The following CA10 variants were observed in gnomAD, a reference collection of about 807,000 sequenced individuals.
CA10 encodes carbonic anhydrase-related protein 10.
CA10 carries 14 observed loss-of-function variants against 44.2 expected under a neutral mutation model. The observed-to-expected ratio is 0.32, with a 90% CI of 0.21 to 0.50. The LOEUF (loss-of-function observed/expected upper bound fraction) is 0.50, where lower values mean the gene tolerates loss of function less well. CA10 is among the 20% of genes least tolerant of loss of function. The pLI, the probability that CA10 is intolerant of heterozygous loss-of-function variation, is 0.99. For synonymous variants in CA10, 159 were observed against 141.6 expected (o/e 1.12, Z -0.87); for missense variants, 350 against 409.7 (o/e 0.85, Z 1.26).
At chr17:52,118,281 T>C (rs1988940773) in intron 1 of CA10, among the ~76,000 whole-genome samples, 1 of 152,192 alleles carries the variant, frequency 6.6e-6, no homozygotes, top group African/African-American at 2.4e-5. Context: ...ATTTGCCTTG[T>C]GGATAGACTG....
At chr17:51,702,890 T>C (rs9906298) in intron 4 of CA10, among the ~76,000 whole-genome samples, 13,212 of 152,222 alleles carry the variant, frequency 0.087, 1,916 homozygotes, top group African/African-American at 0.3. Flanking sequence ...AGCAGCCAGG[T>C]TCTTTCTATC....
intron 3 of CA10, among the ~76,000 whole-genome samples, chr17:51,886,351 A>G (rs1980599979): frequency 6.6e-6 from 1 of 152,214 alleles, no homozygotes; most frequent in Admixed American, 6.5e-5. Flanking sequence ...TCTTATCTTT[A>G]AAGAGTGTTC....
At chr17:52,032,669 C>T (rs1457582458) in intron 2 of CA10, among the ~76,000 whole-genome samples, 1 of 152,130 alleles carries the variant, frequency 6.6e-6, no homozygotes, top group Non-Finnish European at 1.5e-5. Flanking sequence ...TGACTGGAAA[C>T]CTTCCTTCTG....
chr17:52,091,658 G>T (rs1004076880), intron 1 of CA10, among the ~76,000 whole-genome samples: 14 of 152,196 alleles, frequency 9.2e-5, no homozygotes, highest in African/African-American at 2.9e-4. Flanking sequence ...CAAGCTCTAA[G>T]CTCAGGGAAC....
chr17:51,997,549 G>A (rs1352778010), intron 2 of CA10, among the ~76,000 whole-genome samples: 1 of 152,028 alleles, frequency 6.6e-6, no homozygotes, highest in African/African-American at 2.4e-5. Context: ...TGGATACCTT[G>A]AGACAAAGAA....
chr17:51,708,689 TG>T (rs1424701513), intron 4 of CA10, among the ~76,000 whole-genome samples: 2 of 152,108 alleles, frequency 1.3e-5, no homozygotes, highest in African/African-American at 2.4e-5. Context: ...TCAATATGAG[TG>T]GGCTCCATCT....
At chr17:52,039,612 A>G (rs1457095657) in intron 2 of CA10, among the ~76,000 whole-genome samples, 1 of 152,096 alleles carries the variant, frequency 6.6e-6, no homozygotes, top group Non-Finnish European at 1.5e-5. Flanking sequence ...TACACATTTG[A>G]AAAAAGCTAA....
intron 4 of CA10, among the ~76,000 whole-genome samples, chr17:51,738,186 G>A (rs1200374087): frequency 6.6e-6 from 1 of 152,122 alleles, no homozygotes; most frequent in Non-Finnish European, 1.5e-5. Context: ...GTCAACTGGC[G>A]AGCAATTAAG....
chr17:51,720,357 A>G (rs1033272751), intron 4 of CA10, among the ~76,000 whole-genome samples: 8 of 152,168 alleles, frequency 5.3e-5, no homozygotes, highest in African/African-American at 1.2e-4. Flanking sequence ...GAACACTTTT[A>G]ATCATATCTG....
intron 4 of CA10, among the ~76,000 whole-genome samples, chr17:51,710,858 T>G (rs1915917805): frequency 6.6e-6 from 1 of 151,502 alleles, no homozygotes; most frequent in Admixed American, 6.6e-5. Context: ...CTCCTGAAGT[T>G]CATGCAATCA....
chr17:51,699,730 T>A (rs1281579929), intron 4 of CA10, among the ~76,000 whole-genome samples: 6 of 152,188 alleles, frequency 3.9e-5, no homozygotes, highest in Non-Finnish European at 4.4e-5. Flanking sequence ...GCATTGCTGA[T>A]CTTGTTACAA....
In CA10 at chr17:51,947,831, C is replaced by T. The variant is rs536860787; in HGVS notation, c.137-16699G>A. ...ATCAAACACTTCTGCTTGCAAAGCC[C>T]TATAGAATAACATGGAGCAACATAT... is the stretch of plus-strand genomic sequence containing the variant. On this transcript the variant is annotated intron_variant, in intron 2 of 8. Coordinates refer to ENST00000451037, the MANE Select transcript of CA10 (RefSeq NM_020178.5). Among the ~76,000 whole-genome samples, 13 of 152,114 alleles carry T rather than the reference C, an allele frequency of 8.5e-5. No individual in the cohort carries two copies. The East Asian group carries it at 2.1e-3, about 25-fold the overall frequency.
At chr17:51,921,735 C>T (rs976362552) in intron 3 of CA10, among the ~76,000 whole-genome samples, 10 of 152,152 alleles carry the variant, frequency 6.6e-5, no homozygotes, top group Non-Finnish European at 1.2e-4. Context: ...TTGGCATTTC[C>T]CCTGTGCTAT....
chr17:51,661,587 C>G (rs187426729), intron 4 of CA10: 33 of 152,336 alleles, frequency 2.2e-4, no homozygotes, highest in Admixed American at 2.2e-3. Context: ...TAGTAAGCTA[C>G]TATTGTTGTT....
intron 2 of CA10, among the ~76,000 whole-genome samples, chr17:52,032,522 A>G (rs1303948537): frequency 6.6e-6 from 1 of 152,176 alleles, no homozygotes; most frequent in Non-Finnish European, 1.5e-5. Context: ...TACTGTCTTC[A>G]TGGTACCTTC....
At chr17:51,890,528 C>A (rs1215338782) in intron 3 of CA10, among the ~76,000 whole-genome samples, 2 of 152,104 alleles carry the variant, frequency 1.3e-5, no homozygotes, top group African/African-American at 4.8e-5. Context: ...GCCTTTTAAA[C>A]CTCGCTTGAA....
At chr17:52,142,140 T>C (rs1989493854) in intron 1 of CA10, among the ~76,000 whole-genome samples, 1 of 152,188 alleles carries the variant, frequency 6.6e-6, no homozygotes, top group Non-Finnish European at 1.5e-5. Context: ...CAGGTAAGTG[T>C]CTGCAAGGTG....
chr17:52,099,139 C>T (rs960647640), intron 1 of CA10, among the ~76,000 whole-genome samples: 16 of 151,516 alleles, frequency 1.1e-4, no homozygotes, highest in African/African-American at 3.6e-4. Flanking sequence ...AGCAGGAAGA[C>T]GCCATGTATA....
intron 2 of CA10, among the ~76,000 whole-genome samples, chr17:52,027,451 A>T (rs1206452221): frequency 6.6e-6 from 1 of 152,148 alleles, no homozygotes; most frequent in African/African-American, 2.4e-5. Flanking sequence ...ATCAGTTCTC[A>T]GTTTTCTCAT....
Sources: gnomAD v4.1 joint callset for allele counts (sites outside exome capture counted in the v4.1 genomes callset) on GRCh38, gnomAD v4.1.1 for gene constraint, MANE v1.5 for transcripts, NCBI Gene and HGNC (gene_info 2026-07-23, HGNC 2026-07-21) for gene names.